Variants in TANC1 observed in about 807,000 individuals in gnomAD.
The protein encoded by TANC1 is protein TANC1.
TANC1 carries 77 observed loss-of-function variants against 149.7 expected under a neutral mutation model. The observed-to-expected ratio is 0.51, with a 90% CI of 0.43 to 0.62. The LOEUF is 0.62. Among genes scored for constraint, TANC1 ranks in the 20% least tolerant of loss-of-function variants. TANC1 has a pLI of 0.00. For missense variants in TANC1, 1,985 were observed against 2,321.8 expected, an observed-to-expected ratio of 0.85 and a Z score of 2.98; for synonymous variants, 854 against 925.0, an observed-to-expected ratio of 0.92 and a Z score of 1.39.
chr2:159,117,789 A>G (rs2048436580), intron 4 of TANC1, among the ~76,000 whole-genome samples: 1 of 134,678 alleles, frequency 7.4e-6, no homozygotes, highest in East Asian at 2.3e-4. Context: ...ACCATATTGC[A>G]TTTAGTTGTC....
At position 159,103,623 on chromosome 2, in the gene TANC1, G is replaced by A. The variant is rs565174820; in HGVS notation, c.259+5789G>A. Among the ~76,000 whole-genome samples, 95 of 96,844 alleles carry A rather than the reference G, an allele frequency of 9.8e-4. 21 individuals are homozygous for A. Among genetic ancestry groups the A allele is most frequent in the African/African-American group, 2.7e-3 (94 of 34,896 alleles). The allele number at this position is 96,844 out of a possible 152,430, so 63.5% of individuals were successfully genotyped here. A position where few individuals can be genotyped will look rare whatever the true frequency, so the allele number is the denominator to read the frequency against. ...TTCATGGTCAGAAAAACATTCAGTT[G>A]GCTCCCAGTTTCAGCCGCCTGGTGC... On this transcript the variant is annotated intron_variant, in intron 4 of 26. Transcript: ENST00000263635.
intron 3 of TANC1, among the ~76,000 whole-genome samples, chr2:159,091,068 A>G (rs539238172): frequency 6.6e-6 from 1 of 152,036 alleles, no homozygotes; most frequent in South Asian, 2.1e-4. Flanking sequence ...GTGGCCCAGT[A>G]CTGTGCGTAG....
chr2:159,124,640 C>G (rs1297094561), intron 4 of TANC1, among the ~76,000 whole-genome samples: 1 of 152,150 alleles, frequency 6.6e-6, no homozygotes, highest in African/African-American at 2.4e-5. Context: ...CTAGGAAGAT[C>G]GATCTTTCCT....
chr2:159,219,565 G>A (rs190857414), intron 21 of TANC1, 127 bp from the exon 22 acceptor site: 4 of 1,338,332 alleles, frequency 3.0e-6, no homozygotes, highest in South Asian at 1.3e-5. Flanking sequence ...CATCCGGCCA[G>A]TGTCACCCTT....
At chr2:159,193,330 A>G (rs2057603243) in intron 16 of TANC1, among the ~76,000 whole-genome samples, 1 of 152,210 alleles carries the variant, frequency 6.6e-6, no homozygotes, top group South Asian at 2.1e-4. Flanking sequence ...AATCCATTGT[A>G]TGTATATGTA....
intron 4 of TANC1, among the ~76,000 whole-genome samples, chr2:159,113,999 G>A (rs1207347949): frequency 6.6e-6 from 1 of 152,230 alleles, no homozygotes; most frequent in Non-Finnish European, 1.5e-5. Context: ...TGTGGGAAGG[G>A]TCTTGCCAGA....
intron 2 of TANC1, among the ~76,000 whole-genome samples, chr2:159,016,198 T>C (rs1277569545): frequency 6.6e-6 from 1 of 152,194 alleles, no homozygotes; most frequent in Non-Finnish European, 1.5e-5. Context: ...ACAAGTCCCA[T>C]CTTATATGGA....
intron 19 of TANC1, among the ~76,000 whole-genome samples, chr2:159,201,620 CCAAAACA>C (rs1232960622): frequency 6.6e-6 from 1 of 152,096 alleles, no homozygotes; most frequent in Non-Finnish European, 1.5e-5. Context: ...TGTTTTGTGT[CCAAAACA>C]CTCTAGGATG....
At chr2:159,056,108 G>A in intron 2 of TANC1, 1 of 278,382 alleles carries the variant, frequency 3.6e-6, no homozygotes, top group Admixed American at 3.9e-5. Context: ...GCACATGAAA[G>A]CCTTAAGATG....
At chr2:159,012,737 A>G (rs1216450638) in intron 2 of TANC1, among the ~76,000 whole-genome samples, 1 of 152,224 alleles carries the variant, frequency 6.6e-6, no homozygotes, top group East Asian at 1.9e-4. Flanking sequence ...ATGTTGGGAT[A>G]TTCAGGTCAT....
chr2:159,038,948 T>C (rs139347673), intron 2 of TANC1, among the ~76,000 whole-genome samples: 5,922 of 152,306 alleles, frequency 0.039, 268 homozygotes, highest in East Asian at 0.16. Context: ...TTTGTACCTC[T>C]GGTAGAATTT....
chr2:159,049,168 A>G (rs1399116846), intron 2 of TANC1, among the ~76,000 whole-genome samples: 2 of 152,144 alleles, frequency 1.3e-5, no homozygotes. Context: ...AACTCAATCT[A>G]TTATTGTGGA....
At chr2:159,084,022 C>T (rs571859586) in intron 3 of TANC1, among the ~76,000 whole-genome samples, 18 of 152,250 alleles carry the variant, frequency 1.2e-4, no homozygotes, top group Admixed American at 9.8e-4. Context: ...GAGGCCGAGG[C>T]GGGCGGATCA....
chr2:159,003,667 C>T (rs2036829865), intron 2 of TANC1, among the ~76,000 whole-genome samples: 1 of 152,210 alleles, frequency 6.6e-6, no homozygotes, highest in Non-Finnish European at 1.5e-5. Context: ...TTCAGATGTG[C>T]GCTCCCGGGA....
At chr2:158,972,791 A>G (rs1189266258) in intron 1 of TANC1, among the ~76,000 whole-genome samples, 3 of 152,220 alleles carry the variant, frequency 2.0e-5, no homozygotes, top group African/African-American at 7.2e-5. Flanking sequence ...CATGAGTGAG[A>G]GAAGAGAACA....
In TANC1 at chr2:159,050,283, T is replaced by A. The variant is rs113022120; in HGVS notation, c.-15-15613T>A. Among the ~76,000 whole-genome samples the A allele has an allele frequency of 2.9e-3, 446 of 152,010 alleles. 3 individuals carry two copies. Among genetic ancestry groups the A allele is most frequent in the African/African-American group, 8.0e-3 (333 of 41,458 alleles). Reference sequence around the variant, plus strand: ...CCACTCCCAGCTAATTAAAAAAAAATTTTTTTTGTAGAAACAAAGACTCAC... The same window carrying A: ...CCACTCCCAGCTAATTAAAAAAAAAATTTTTTTGTAGAAACAAAGACTCAC... On this transcript the variant is annotated intron_variant, in intron 2 of 26. Coordinates refer to ENST00000263635, the MANE Select transcript of TANC1 (RefSeq NM_033394.3).
At chr2:159,123,339 G>C (rs2049051904) in intron 4 of TANC1, among the ~76,000 whole-genome samples, 1 of 152,162 alleles carries the variant, frequency 6.6e-6, no homozygotes, top group Non-Finnish European at 1.5e-5. Flanking sequence ...CCTGGTCACT[G>C]TGGAGGATGG....
At chr2:159,208,213 A>C (rs1489900093) in intron 19 of TANC1, among the ~76,000 whole-genome samples, 1 of 152,218 alleles carries the variant, frequency 6.6e-6, no homozygotes, top group South Asian at 2.1e-4. Flanking sequence ...CAGGGTTGTG[A>C]TAAGTTGATT....
At position 158,977,601 on chromosome 2, in the gene TANC1, G is replaced by A. The variant is rs192140493; in HGVS notation, c.-126+8819G>A. ...GCTGGGATTACAGGCATGAGCCACCGTGCCTGGCTAATTTTTTTTTTTTTT... is the reference window on the plus strand; with the variant it reads ...GCTGGGATTACAGGCATGAGCCACCATGCCTGGCTAATTTTTTTTTTTTTT... On this transcript the variant is annotated intron_variant, in intron 1 of 26. Transcript: ENST00000263635. Among the ~76,000 whole-genome samples the A allele has an allele frequency of 2.1e-4, 32 of 150,342 alleles. 1 individual carries two copies. Among genetic ancestry groups the A allele is most frequent in the South Asian group, 1.0e-3 (5 of 4,764 alleles).
Sources: gnomAD v4.1 joint callset for allele counts (sites outside exome capture counted in the v4.1 genomes callset) on GRCh38, gnomAD v4.1.1 for gene constraint, MANE v1.5 for transcripts, NCBI Gene and HGNC (gene_info 2026-07-23, HGNC 2026-07-21) for gene names.